Variants in CTSC observed in about 807,000 individuals in gnomAD.
The protein encoded by CTSC is dipeptidyl peptidase 1.
CTSC carries 37 observed loss-of-function variants against 40.9 expected under a neutral mutation model. The ratio of observed to expected loss-of-function variants is 0.91; its 90% CI spans 0.70 to 1.19. The LOEUF is 1.19. Ranked by LOEUF, CTSC falls within the 50% of genes most tolerant of loss-of-function variation. CTSC has a pLI of 0.00. For missense variants in CTSC, 594 were observed against 567.3 expected (o/e 1.05, Z -0.48); for synonymous variants, 232 against 207.4 (o/e 1.12, Z -1.02).
chr11:88,296,149 A>G lies in CTSC; in HGVS notation c.873T>C (p.Cys291=), dbSNP rs1409469273. The change falls in exon 6 of 7, where the codon TGT becomes TGC. Residue 291 remains cysteine, a synonymous_variant. Transcript: ENST00000227266. ...PILSPQEVVS[C]SQYAQGCEGG... ...AACACTTACCTTGAGCATACTGGCT[A>G]CAAGACACAACCTCCTGAGGGCTTA... 18 of 1,613,896 alleles carry G rather than the reference A, an allele frequency of 1.1e-5. No homozygotes were observed. The highest frequency in any genetic ancestry group is 1.5e-5 in the Non-Finnish European group (18 of 1,179,916).
chr11:88,312,553 T>C lies in CTSC; in HGVS notation c.320A>G (p.Tyr107Cys), dbSNP rs979905080. The C allele has an allele frequency of 1.2e-6, 2 of 1,614,158 alleles. No individual in the cohort carries two copies. The highest frequency in any genetic ancestry group is 1.7e-5 in the Admixed American group (1 of 60,020). The change falls in exon 3 of 7, where the codon TAT (tyrosine) becomes TGT (cysteine). Residue 107 changes from tyrosine (Y) to cysteine (C), a missense_variant and splice_region_variant. Transcript: ENST00000227266. ...GGTCACCTTGCTGCCCTCTTCTTTATACTGCAAACAAATAAGAGAAAAGAA... is the reference window on the plus strand; with the variant it reads ...GGTCACCTTGCTGCCCTCTTCTTTACACTGCAAACAAATAAGAGAAAAGAA... Reference protein sequence around the residue: ...NDYKWFAFFKYKEEGSKVTTY... With the variant: ...NDYKWFAFFKCKEEGSKVTTY...
At chr11:88,307,928 C>T (rs573717058) in intron 4 of CTSC, among the ~76,000 whole-genome samples, 1 of 152,154 alleles carries the variant, frequency 6.6e-6, no homozygotes, top group South Asian at 2.1e-4. Flanking sequence ...GTTTAATTCA[C>T]GCAGAGCCGG....
In CTSC at chr11:88,337,591, C is replaced by A; in HGVS notation, c.82G>T (p.Ala28Ser). The change falls in exon 1 of 7, where the codon GCC becomes TCC. Residue 28 changes from alanine to serine, a missense_variant. Ala to Ser is a moderately conservative substitution (Grantham distance 99, BLOSUM62 1). Coordinates refer to ENST00000227266, the MANE Select transcript of CTSC (RefSeq NM_001814.6). Reference protein sequence around the residue: ...GDGAVRCDTPANCTYLDLLGT... With the variant: ...GDGAVRCDTPSNCTYLDLLGT... ...AGCAGGTCAAGATAGGTGCAGTTGG[C>A]AGGTGTGTCGCAGCGCACGGCGCCG... is the stretch of plus-strand genomic sequence containing the variant. 1 of 1,579,042 alleles carries A rather than the reference C, an allele frequency of 6.3e-7. No homozygotes were observed.
At chr11:88,325,523 T>G (rs1358177254) in intron 2 of CTSC, 1 of 985,298 alleles carries the variant, frequency 1.0e-6, no homozygotes, top group Admixed American at 6.2e-5. Context: ...CAAGGAAGTC[T>G]TTAGGCTTGA....
intron 2 of CTSC, among the ~76,000 whole-genome samples, chr11:88,332,792 T>C (rs754496854): frequency 1.1e-4 from 17 of 152,160 alleles, no homozygotes; most frequent in Non-Finnish European, 1.8e-4. Context: ...CTGAAATCAG[T>C]AGGGCAGGAG....
rs1470221481 is a variant in CTSC at position 88,325,440 on chromosome 11, T to C, written c.318+9497A>G. On this transcript the variant is annotated intron_variant, in intron 2 of 6. Coordinates refer to ENST00000227266, the MANE Select transcript of CTSC (RefSeq NM_001814.6). ...TTCATGATGCTCACAGACTGGAATT[T>C]ACCAGGAAATCCAAATATGCCTCTA... The C allele has an allele frequency of 4.1e-6, 4 of 985,332 alleles. No homozygotes were observed. In the East Asian group the frequency reaches 3.4e-4, roughly 84 times the overall value. The allele number at this position is 985,332 out of a possible 1,614,324, so 61.0% of individuals were successfully genotyped here.
chr11:88,322,132 G>A (rs1938032837), intron 2 of CTSC: 1 of 152,128 alleles, frequency 6.6e-6, no homozygotes, highest in Non-Finnish European at 1.5e-5. Context: ...GTTCCTTGTA[G>A]ATTCTGGATG....
chr11:88,300,215 T>G (rs1332738562), intron 5 of CTSC, among the ~76,000 whole-genome samples: 2 of 152,230 alleles, frequency 1.3e-5, no homozygotes, highest in Non-Finnish European at 2.9e-5. Context: ...AATTCTTTGC[T>G]TCTACTAGAA....
At chr11:88,326,360 G>T (rs763393247) in intron 2 of CTSC, 2 of 1,613,732 alleles carry the variant, frequency 1.2e-6, no homozygotes, top group South Asian at 2.2e-5. Flanking sequence ...CCACACTGTC[G>T]CAGGCTGCTC....
chr11:88,333,333 T>C (rs1938411497), intron 2 of CTSC, among the ~76,000 whole-genome samples: 1 of 152,206 alleles, frequency 6.6e-6, no homozygotes, highest in Admixed American at 6.5e-5. Flanking sequence ...TTAACCTATT[T>C]CCCAACTGAA....
intron 1 of CTSC, among the ~76,000 whole-genome samples, chr11:88,335,519 TG>T (rs1938470764): frequency 6.6e-6 from 1 of 152,198 alleles, no homozygotes. Flanking sequence ...AGTTGGAGGC[TG>T]CAGTGAGCTA....
chr11:88,309,166 G>T lies in CTSC; in HGVS notation c.638C>A (p.Pro213Gln). The T allele has an allele frequency of 6.2e-7, 1 of 1,613,464 alleles. No homozygotes were observed. Among genetic ancestry groups the T allele is most frequent in the South Asian group, 1.1e-5 (1 of 91,054 alleles). The change falls in exon 4 of 7, where the codon CCA (proline) becomes CAA (glutamine). Residue 213 changes from proline to glutamine, a missense_variant. Physicochemically the swap from Pro to Gln is moderately conservative, Grantham distance 76 (BLOSUM62 -1). Coordinates refer to ENST00000227266, the MANE Select transcript of CTSC (RefSeq NM_001814.6). The part of the protein sequence containing the change: ...RRSGGHSRKI[P>Q]RPKPAPLTAE... ...GATAAAATGTGTGCTTGATTACCTT[G>T]GGATTTTTCGACTGTGGCCACCACT...
chr11:88,318,980 A>G (rs955330662), intron 2 of CTSC, among the ~76,000 whole-genome samples: 4 of 152,150 alleles, frequency 2.6e-5, no homozygotes, highest in Non-Finnish European at 4.4e-5. Flanking sequence ...ATGAAACAAC[A>G]TTGGTGTGCC....
intron 1 of CTSC, among the ~76,000 whole-genome samples, 163 bp from the exon 2 acceptor site, chr11:88,335,245 CAA>C (rs1938464280): frequency 6.6e-6 from 1 of 151,884 alleles, no homozygotes; most frequent in South Asian, 2.1e-4. Context: ...CTTGTTGCCT[CAA>C]ACAGTTCCTG....
chr11:88,323,727 A>G (rs1356317469), intron 2 of CTSC: 1 of 152,182 alleles, frequency 6.6e-6, no homozygotes, highest in Non-Finnish European at 1.5e-5. Context: ...GATCTCTTCA[A>G]GGAGAACTAC....
At chr11:88,302,140 T>C (rs1196451985) in intron 4 of CTSC, among the ~76,000 whole-genome samples, 1 of 152,210 alleles carries the variant, frequency 6.6e-6, no homozygotes, top group Non-Finnish European at 1.5e-5. Flanking sequence ...TATAAACTAT[T>C]TGAATTTCTT....
intron 3 of CTSC, among the ~76,000 whole-genome samples, chr11:88,311,769 C>T (rs977320097): frequency 1.3e-5 from 2 of 152,116 alleles, no homozygotes; most frequent in Non-Finnish European, 2.9e-5. Flanking sequence ...AAGAAGAGGA[C>T]ATTAGGACAA....
intron 2 of CTSC, chr11:88,320,750 A>T: frequency 1.1e-6 from 1 of 928,634 alleles, no homozygotes; most frequent in Non-Finnish European, 1.3e-6. Context: ...GGCCCACCAT[A>T]GCCTCTAAGG....
chr11:88,317,773 T>C (rs1478306721), intron 2 of CTSC, among the ~76,000 whole-genome samples: 1 of 152,250 alleles, frequency 6.6e-6, no homozygotes, highest in East Asian at 1.9e-4. Context: ...CATCAGTCTC[T>C]GAAGACTGCC....
Sources: allele counts gnomAD v4.1 joint callset (sites outside exome capture counted in the v4.1 genomes callset), GRCh38; gene constraint gnomAD v4.1.1; transcripts MANE v1.5; gene names NCBI Gene and HGNC (gene_info 2026-07-23, HGNC 2026-07-21).